Variants in SFMBT2 observed in about 807,000 individuals in gnomAD.
SFMBT2 encodes scm-like with four MBT domains protein 2.
Under a neutral mutation model 110.1 loss-of-function variants are expected in SFMBT2, and 38 were observed. That is an observed-to-expected ratio of 0.35 (90% confidence interval 0.27 to 0.45). SFMBT2 has a LOEUF of 0.45. Ranked by LOEUF, SFMBT2 falls within the 20% of genes least tolerant of loss-of-function variation. The pLI, the probability that SFMBT2 is intolerant of heterozygous loss-of-function variation, is 1.00. For synonymous variants in SFMBT2, 425 were observed against 425.4 expected (o/e 1.00, Z 0.01); for missense variants, 1,011 against 1,094.9 (o/e 0.92, Z 1.08).
chr10:7,191,371 C>T (rs1354173114), intron 15 of SFMBT2, among the ~76,000 whole-genome samples: 3 of 152,200 alleles, frequency 2.0e-5, no homozygotes. Flanking sequence ...TCTATTCTCA[C>T]CCTGCCGGCA....
intron 4 of SFMBT2, among the ~76,000 whole-genome samples, chr10:7,351,247 C>T (rs1844305257): frequency 6.6e-6 from 1 of 152,118 alleles, no homozygotes; most frequent in African/African-American, 2.4e-5. Context: ...TTCATGGGGG[C>T]TTTGTTCCTT....
At chr10:7,228,196 GT>G (rs1839954821) in intron 9 of SFMBT2, 1 of 198,040 alleles carries the variant, frequency 5.0e-6, no homozygotes, top group Non-Finnish European at 9.1e-6. Flanking sequence ...GCACCAGCCG[GT>G]GGGGGGATTT....
In SFMBT2 at chr10:7,179,291, A is replaced by T. The variant is rs546549819; in HGVS notation, c.1809-3126T>A. Among the ~76,000 whole-genome samples the T allele has an allele frequency of 8.9e-5, 13 of 146,216 alleles. No individual in the cohort carries two copies. The South Asian group carries it at 2.4e-3, about 27-fold the overall frequency. The stretch of plus-strand genomic sequence containing the variant: ...GGCTGTTGGTTTTTCTAGGCCCTCC[A>T]TTGACCCTATGTGTAGAGACTTCCC... On this transcript the variant is annotated intron_variant, in intron 16 of 20. Coordinates refer to ENST00000397167, the MANE Select transcript of SFMBT2 (RefSeq NM_001387889.1).
chr10:7,351,019 TC>T (rs1476136508), intron 4 of SFMBT2, among the ~76,000 whole-genome samples: 1 of 152,190 alleles, frequency 6.6e-6, no homozygotes, highest in Admixed American at 6.5e-5. Flanking sequence ...TCTACCTCCT[TC>T]CTTGCAATTG....
rs1480793819 is a variant in SFMBT2 at position 7,293,446 on chromosome 10, T to G, written c.437-7492A>C. Among the ~76,000 whole-genome samples, 6 of 152,110 alleles carry G rather than the reference T, an allele frequency of 3.9e-5. No homozygotes were observed. The highest frequency in any genetic ancestry group is 1.4e-4 in the African/African-American group (6 of 41,404). On this transcript the variant is annotated intron_variant, in intron 4 of 20. Coordinates refer to ENST00000397167, the MANE Select transcript of SFMBT2 (RefSeq NM_001387889.1). The surrounding 1 kb of genome is among the most constrained non-coding windows in gnomAD (Gnocchi z 4.6). ...AGGTAAAGCTAATGGGATTCGCTGA[T>G]GGGCTACAAGAGAAGTAGAACACAG...
At chr10:7,406,362 T>G (rs950920242) in intron 1 of SFMBT2, among the ~76,000 whole-genome samples, 6 of 151,906 alleles carry the variant, frequency 3.9e-5, no homozygotes, top group Non-Finnish European at 8.8e-5. Flanking sequence ...CCCAAAAGTA[T>G]CCTGTATCAA....
intron 1 of SFMBT2, among the ~76,000 whole-genome samples, chr10:7,397,561 T>G (rs983226434): frequency 3.3e-5 from 5 of 152,132 alleles, no homozygotes; most frequent in African/African-American, 1.2e-4. Flanking sequence ...CACAGGCATC[T>G]ATGCTGAGAC....
In SFMBT2 at chr10:7,248,618, G is replaced by C. The variant is rs775777088; in HGVS notation, c.902C>G (p.Thr301Arg). 1 of 1,614,160 alleles carries C rather than the reference G, an allele frequency of 6.2e-7. No individual in the cohort carries two copies. The highest frequency in any genetic ancestry group is 1.7e-4 in the Middle Eastern group (1 of 6,060). ...CACTGTCTCAAGCTTCATCCCAACT[G>C]TGAAGAAATGGCTTCGCAAATCTGC... ...DHADLRSHFF[T>R]VGMKLETVNM... The change falls in exon 8 of 21, where the codon ACA becomes AGA. Residue 301 changes from threonine to arginine, a missense_variant. Thr to Arg is a moderately conservative substitution (Grantham distance 71). This residue lies in a region of SFMBT2 where 979 missense variants were observed against 1,016.1 expected (regional missense o/e 0.96). Coordinates refer to ENST00000397167, the MANE Select transcript of SFMBT2 (RefSeq NM_001387889.1).
chr10:7,173,672 G>A lies in SFMBT2; in HGVS notation c.1985-1011C>T, dbSNP rs117826328. 7.2e-5 allele frequency among the ~76,000 whole-genome samples: 11 copies of A among 152,214 alleles called. No individual in the cohort carries two copies. The East Asian group carries it at 1.9e-3, about 27-fold the overall frequency. On this transcript the variant is annotated intron_variant, in intron 17 of 20. Coordinates refer to ENST00000397167, the MANE Select transcript of SFMBT2 (RefSeq NM_001387889.1). ...TCAGCTAATGAAAACCACCACTAAGGATCCAGCATTCAATTACGACCCAGA... is the reference window on the plus strand; with the variant it reads ...TCAGCTAATGAAAACCACCACTAAGAATCCAGCATTCAATTACGACCCAGA...
chr10:7,194,289 C>G (rs1405652680), intron 15 of SFMBT2, among the ~76,000 whole-genome samples: 1 of 152,190 alleles, frequency 6.6e-6, no homozygotes, highest in Non-Finnish European at 1.5e-5. Context: ...CCAAACCCCA[C>G]TCAACTCTAA....
intron 7 of SFMBT2, 51 bp downstream of exon 7, chr10:7,276,841 T>C (rs7097601): frequency 0.58 from 485,778 of 833,720 alleles, 147,423 homozygotes; most frequent in African/African-American, 0.84. Flanking sequence ...ACTTTGTAGA[T>C]GATTTTATTC....
Position 7,410,886 on chromosome 10 carries a change from C to T in SFMBT2, c.-77G>A, listed in dbSNP as rs1846358969. ...CTGGTGAAGTTCGTCCTGCCCTCGG[C>T]GTGGACCCAGGCCCCGGTCGCCGCC... is the stretch of plus-strand genomic sequence containing the variant. On this transcript the variant is annotated 5_prime_UTR_variant, in exon 1 of 21. Transcript: ENST00000397167. Among the ~76,000 whole-genome samples, 1 of 151,606 alleles carries T rather than the reference C, an allele frequency of 6.6e-6. No individual in the cohort carries two copies.
intron 2 of SFMBT2, among the ~76,000 whole-genome samples, chr10:7,381,431 C>G (rs755637063): frequency 6.6e-6 from 1 of 152,112 alleles, no homozygotes; most frequent in Non-Finnish European, 1.5e-5. Context: ...TTGTCTCTTG[C>G]GAGCCAGAGC....
chr10:7,410,999 C>G lies in SFMBT2; in HGVS notation c.-190G>C, dbSNP rs914148716. On this transcript the variant is annotated 5_prime_UTR_variant, in exon 1 of 21. Transcript: ENST00000397167. ...CGCCGCCTCCCTCGCGCGCCCGCTCCGGTCCTCCGGCTCCCACTACAGCTC... is the reference window on the plus strand; with the variant it reads ...CGCCGCCTCCCTCGCGCGCCCGCTCGGGTCCTCCGGCTCCCACTACAGCTC... Among the ~76,000 whole-genome samples, 9 of 150,326 alleles carry G rather than the reference C, an allele frequency of 6.0e-5. No homozygotes were observed. Among genetic ancestry groups the G allele is most frequent in the Non-Finnish European group, 1.2e-4 (8 of 67,516 alleles).
intron 20 of SFMBT2, among the ~76,000 whole-genome samples, chr10:7,167,423 G>C (rs1394782385): frequency 6.6e-6 from 1 of 152,156 alleles, no homozygotes; most frequent in African/African-American, 2.4e-5. Flanking sequence ...GCTGGTCATG[G>C]GGAGTTCAGA....
chr10:7,188,190 T>C (rs1270267850), intron 16 of SFMBT2, among the ~76,000 whole-genome samples: 2 of 152,234 alleles, frequency 1.3e-5, no homozygotes, highest in Non-Finnish European at 2.9e-5. Context: ...GGGTTCCTTT[T>C]ATCTTTGAGA....
chr10:7,261,404 C>T (rs554250551), intron 7 of SFMBT2, among the ~76,000 whole-genome samples: 99 of 152,326 alleles, frequency 6.5e-4, no homozygotes, highest in African/African-American at 2.3e-3. Flanking sequence ...GCCTTGGCTC[C>T]CTGTCCCATT....
chr10:7,257,812 T>C (rs2131762544), intron 7 of SFMBT2, among the ~76,000 whole-genome samples: 1 of 152,308 alleles, frequency 6.6e-6, no homozygotes, highest in South Asian at 2.1e-4. Context: ...TGATATAAAA[T>C]TGTGAAAGAT....
intron 7 of SFMBT2, among the ~76,000 whole-genome samples, chr10:7,262,013 G>A (rs2256263): frequency 0.024 from 3,581 of 152,336 alleles, 144 homozygotes; most frequent in African/African-American, 0.081. Context: ...CAGCGCTGAA[G>A]GGCAAGGCCC....
Sources: allele counts gnomAD v4.1 joint callset (sites outside exome capture counted in the v4.1 genomes callset), GRCh38; gene constraint gnomAD v4.1.1; regional missense constraint gnomAD v4.1.1; non-coding constraint Gnocchi (gnomAD v3.1); transcripts MANE v1.5; gene names NCBI Gene and HGNC (gene_info 2026-07-23, HGNC 2026-07-21).